The following IL1RAPL1 variants were observed in gnomAD, a reference collection of about 807,000 sequenced individuals.
IL1RAPL1 encodes interleukin-1 receptor accessory protein-like 1.
IL1RAPL1 carries 3 observed loss-of-function variants against 48.4 expected under a neutral mutation model. The ratio of observed to expected loss-of-function variants is 0.06; its 90% CI spans 0.03 to 0.16. The LOEUF is 0.16. Among genes scored for constraint, IL1RAPL1 ranks in the 10% least tolerant of loss-of-function variants. The pLI, the probability that IL1RAPL1 is intolerant of heterozygous loss-of-function variation, is 1.00. For missense variants in IL1RAPL1, 349 were observed against 530.6 expected (o/e 0.66, Z 3.36); for synonymous variants, 185 against 187.7 (o/e 0.99, Z 0.12).
intron 3 of IL1RAPL1, among the ~76,000 whole-genome samples, chrX:29,336,179 A>G (rs1201480925): frequency 1.0e-5 from 1 of 98,704 alleles, no homozygotes; most frequent in Non-Finnish European, 2.0e-5. Flanking sequence ...TTGGTAGAAA[A>G]GGTGTGTGTG....
intron 5 of IL1RAPL1, among the ~76,000 whole-genome samples, chrX:29,418,099 A>G (rs1220253898): frequency 1.2e-4 from 6 of 49,907 alleles, no homozygotes; most frequent in Non-Finnish European, 2.0e-4. Flanking sequence ...TAATATATAT[A>G]TATATATATA....
At chrX:28,853,439 A>G (rs1186356258) in intron 2 of IL1RAPL1, among the ~76,000 whole-genome samples, 1 of 73,044 alleles carries the variant, frequency 1.4e-5, no homozygotes, top group African/African-American at 9.1e-5. Context: ...AAGTTTTTAT[A>G]CCTTTTTATC....
intron 3 of IL1RAPL1, among the ~76,000 whole-genome samples, chrX:29,342,977 T>C (rs984193332): frequency 1.8e-5 from 2 of 112,127 alleles, no homozygotes; most frequent in Middle Eastern, 4.2e-3. Flanking sequence ...AAGTAGATGA[T>C]GACTGAAAAG....
intron 2 of IL1RAPL1, among the ~76,000 whole-genome samples, chrX:28,793,753 G>A (rs1011650259): frequency 9.0e-6 from 1 of 111,310 alleles, no homozygotes; most frequent in East Asian, 2.8e-4. Context: ...TGCCTGAAAA[G>A]TTTGGGATAC....
At chrX:29,827,056 G>A (rs190568907) in intron 6 of IL1RAPL1, among the ~76,000 whole-genome samples, 57 of 111,965 alleles carry the variant, frequency 5.1e-4, no homozygotes, top group African/African-American at 1.8e-3. Flanking sequence ...CATTCTAGTG[G>A]GTATGGAATA....
chrX:29,825,890 G>C (rs1930726459), intron 6 of IL1RAPL1, among the ~76,000 whole-genome samples: 1 of 110,529 alleles, frequency 9.0e-6, no homozygotes, highest in South Asian at 4.0e-4. Context: ...GGCCAGATTT[G>C]GACTGCTGAA....
At position 28,850,319 on chromosome X, in the gene IL1RAPL1, G is replaced by C. The variant is rs138398754; in HGVS notation, c.82+60894G>C. Among the ~76,000 whole-genome samples the C allele has an allele frequency of 5.4e-5, 6 of 111,147 alleles. No homozygotes were observed. The East Asian group carries it at 1.4e-3, about 26-fold the overall frequency. On this transcript the variant is annotated intron_variant, in intron 2 of 10. Transcript: ENST00000378993. ...CGCAAGAAACACAACTGAGTACTGG[G>C]CTCGAGATGCTGCTTTCTGGATCCA...
At chrX:29,725,559 C>G (rs189548658) in intron 6 of IL1RAPL1, among the ~76,000 whole-genome samples, 1 of 111,478 alleles carries the variant, frequency 9.0e-6, no homozygotes, top group East Asian at 2.9e-4. Context: ...TGGAATGTCT[C>G]CAGACTCCCA....
At chrX:28,932,468 T>A (rs2147343961) in intron 2 of IL1RAPL1, among the ~76,000 whole-genome samples, 1 of 111,890 alleles carries the variant, frequency 8.9e-6, no homozygotes, top group East Asian at 2.8e-4. Context: ...TGCTTTTGTG[T>A]TTTTATTGAT....
intron 6 of IL1RAPL1, among the ~76,000 whole-genome samples, chrX:29,832,010 C>T (rs1012280279): frequency 3.0e-4 from 33 of 111,383 alleles, no homozygotes; most frequent in African/African-American, 1.0e-3. Flanking sequence ...GCTGTCAACC[C>T]GTGGGACACC....
intron 2 of IL1RAPL1, among the ~76,000 whole-genome samples, chrX:28,855,198 T>C (rs184472998): frequency 1.8e-5 from 2 of 110,974 alleles, no homozygotes; most frequent in East Asian, 5.7e-4. Context: ...TTTTGTATTT[T>C]TACTAGAGAT....
At position 29,186,949 on chromosome X, in the gene IL1RAPL1, C is replaced by T. The variant is rs183535007; in HGVS notation, c.83-95989C>T. On this transcript the variant is annotated intron_variant, in intron 2 of 10. Transcript: ENST00000378993. ...GAACACATGAACACATGGAGGGGAA[C>T]ACCACACACTCGAGCCTGTTGGAGT... Among the ~76,000 whole-genome samples, 1,045 of 110,565 alleles carry T rather than the reference C, an allele frequency of 9.5e-3. 8 individuals carry two copies. The highest frequency in any genetic ancestry group is 0.015 in the Non-Finnish European group (789 of 52,924).
intron 6 of IL1RAPL1, among the ~76,000 whole-genome samples, chrX:29,773,094 T>A (rs1021776072): frequency 5.3e-5 from 6 of 112,520 alleles, no homozygotes; most frequent in Non-Finnish European, 1.1e-4. Flanking sequence ...ACTCTTAACC[T>A]ACAACTTCAC....
At chrX:28,762,823 C>CACACACACACAGAG (rs1268556014) in intron 1 of IL1RAPL1, among the ~76,000 whole-genome samples, 6 of 36,778 alleles carry the variant, frequency 1.6e-4, no homozygotes, top group East Asian at 7.2e-4. Flanking sequence ...CACACACACA[C>CACACACACACAGAG]AGAGAGAGAG....
chrX:28,664,769 A>G (rs1339790088), intron 1 of IL1RAPL1, among the ~76,000 whole-genome samples: 2 of 111,701 alleles, frequency 1.8e-5, no homozygotes, highest in Non-Finnish European at 1.9e-5. Context: ...AGACTAAATG[A>G]ACTTTTTCTC....
In IL1RAPL1 at chrX:29,613,737, G is replaced by T. The variant is rs950798146; in HGVS notation, c.704-54693G>T. Among the ~76,000 whole-genome samples, 513 of 97,578 alleles carry T rather than the reference G, an allele frequency of 5.3e-3. 2 individuals are homozygous for T. The highest frequency in any genetic ancestry group is 7.2e-3 in the Non-Finnish European group (352 of 48,682). 84.7% of individuals were successfully genotyped at this position (97,578 alleles called of 115,157 possible). A position where few individuals can be genotyped will look rare whatever the true frequency, so the allele number is the denominator to read the frequency against. Reference sequence around the variant, plus strand: ...CGTGTGTGTGTGTGTGTGTGTGTGTGTGTGTGTGTGTGTGTGTGTGTTTCT... The same window carrying T: ...CGTGTGTGTGTGTGTGTGTGTGTGTTTGTGTGTGTGTGTGTGTGTGTTTCT... On this transcript the variant is annotated intron_variant, in intron 5 of 10. Transcript: ENST00000378993.
chrX:29,811,724 A>C (rs1422873276), intron 6 of IL1RAPL1, among the ~76,000 whole-genome samples: 2 of 111,928 alleles, frequency 1.8e-5, no homozygotes, highest in African/African-American at 6.5e-5. Flanking sequence ...TAACAGCTGT[A>C]TACCTATTTG....
intron 6 of IL1RAPL1, among the ~76,000 whole-genome samples, chrX:29,752,835 C>T (rs1928523574): frequency 9.0e-6 from 1 of 111,639 alleles, no homozygotes; most frequent in Non-Finnish European, 1.9e-5. Flanking sequence ...TTCTTTTATC[C>T]TATGTAAGTA....
chrX:29,258,960 T>G (rs1007906462), intron 2 of IL1RAPL1, among the ~76,000 whole-genome samples: 1 of 111,653 alleles, frequency 9.0e-6, no homozygotes, highest in African/African-American at 3.2e-5. Context: ...GGCAGTATAT[T>G]GATGGTAAAT....
Sources: gnomAD v4.1 joint callset for allele counts (sites outside exome capture counted in the v4.1 genomes callset) on GRCh38, gnomAD v4.1.1 for gene constraint, MANE v1.5 for transcripts, NCBI Gene and HGNC (gene_info 2026-07-23, HGNC 2026-07-21) for gene names.